Variants in SLCO1A2 observed in about 807,000 individuals in gnomAD.
SLCO1A2 encodes the protein solute carrier organic anion transporter family member 1A2.
Under a neutral mutation model 69.0 loss-of-function variants are expected in SLCO1A2, and 67 were observed. The observed-to-expected ratio is 0.97, with a 90% CI of 0.80 to 1.19. SLCO1A2 has a LOEUF of 1.19. Among genes scored for constraint, SLCO1A2 ranks in the 50% most tolerant of loss-of-function variants. SLCO1A2 has a pLI of 0.00. For synonymous variants in SLCO1A2, 260 were observed against 265.9 expected (o/e 0.98, Z 0.22); for missense variants, 787 against 793.7 (o/e 0.99, Z 0.10).
Position 21,285,895 on chromosome 12 carries a change from C to T in SLCO1A2, c.1610+6269G>A, listed in dbSNP as rs540236623. 6.3e-3 allele frequency among the ~76,000 whole-genome samples: 959 copies of T among 151,244 alleles called. 4 individuals are homozygous for T. The highest frequency in any genetic ancestry group is 0.022 in the African/African-American group (918 of 41,462). ...GAGCTGTCTATGACAGACCCACAGC[C>T]AATATCATACTGAATGGGCAAAAAC... On this transcript the variant is annotated intron_variant, in intron 12 of 14. Coordinates refer to ENST00000683939, the MANE Select transcript of SLCO1A2 (RefSeq NM_001386879.1).
intron 13 of SLCO1A2, chr12:21,274,932 A>G (rs533443952): frequency 1.9e-6 from 2 of 1,050,310 alleles, no homozygotes; most frequent in Non-Finnish European, 2.3e-6. Context: ...CTTCAAACAA[A>G]GAATAGTGTA....
intron 2 of SLCO1A2, among the ~76,000 whole-genome samples, chr12:21,368,661 A>G (rs1358705125): frequency 6.6e-6 from 1 of 152,154 alleles, no homozygotes; most frequent in African/African-American, 2.4e-5. Context: ...TTTAAATAAT[A>G]CAGTGGGAGG....
intron 1 of SLCO1A2, among the ~76,000 whole-genome samples, chr12:21,413,237 CTTTT>C (rs3983534): frequency 1.0e-5 from 1 of 99,470 alleles, no homozygotes; most frequent in East Asian, 3.2e-4. Context: ...TTTTCTTTTT[CTTTT>C]TTTTTTTTTT....
At chr12:21,366,400 G>A (rs2137069334) in intron 2 of SLCO1A2, among the ~76,000 whole-genome samples, 1 of 151,684 alleles carries the variant, frequency 6.6e-6, no homozygotes, top group East Asian at 2.0e-4. Flanking sequence ...GGCCTGCCGG[G>A]GGGTGGGCGG....
At chr12:21,378,433 A>T (rs755253916) in intron 1 of SLCO1A2, 2 of 1,601,128 alleles carry the variant, frequency 1.2e-6, no homozygotes, top group African/African-American at 2.7e-5. Context: ...TTAGAGGACA[A>T]TGTAACTCTA....
chr12:21,269,397 C>T lies in SLCO1A2; in HGVS notation c.*151G>A. The stretch of plus-strand genomic sequence containing the variant: ...AGTGTCACTGATACCTTAGAAATAT[C>T]ATTAGTGAACATTTTATTATTTTGA... On this transcript the variant is annotated 3_prime_UTR_variant, in exon 15 of 15. Coordinates refer to ENST00000683939, the MANE Select transcript of SLCO1A2 (RefSeq NM_001386879.1). 1.8e-6 allele frequency: 1 copy of T among 546,958 alleles called. No individual in the cohort carries two copies. Among genetic ancestry groups the T allele is most frequent in the Non-Finnish European group, 3.2e-6 (1 of 317,310 alleles). 33.9% of individuals were successfully genotyped at this position (546,958 alleles called of 1,614,324 possible). A position where few individuals can be genotyped will look rare whatever the true frequency, so the allele number is the denominator to read the frequency against.
At chr12:21,301,302 C>A (rs1263497605) in intron 6 of SLCO1A2, 33 bp from the exon 7 acceptor site, 2 of 1,408,172 alleles carry the variant, frequency 1.4e-6, no homozygotes, top group Non-Finnish European at 9.9e-7. Flanking sequence ...GGTTATAGTA[C>A]AGTTATATGC....
chr12:21,305,690 C>A (rs35736956), intron 5 of SLCO1A2, among the ~76,000 whole-genome samples: 20,045 of 152,282 alleles, frequency 0.13, 1,446 homozygotes, highest in African/African-American at 0.16. Context: ...GGCAATAGCC[C>A]GCTCAGGAAG....
Position 21,301,277 on chromosome 12 carries a change from TAAATA to T in SLCO1A2, c.590-13_590-9del. The T allele has an allele frequency of 6.3e-7, 1 of 1,584,696 alleles. No individual in the cohort carries two copies. The highest frequency in any genetic ancestry group is 8.6e-7 in the Non-Finnish European group (1 of 1,157,168). On this transcript the variant is annotated splice_polypyrimidine_tract_variant and intron_variant, in intron 6 of 14. Coordinates refer to ENST00000683939, the MANE Select transcript of SLCO1A2 (RefSeq NM_001386879.1). ...CTCCTGTTTCTACAAGCCCTAAAAA[TAAATA>T]AAAGTATAAGGTTATAGTACAGTTA...
intron 2 of SLCO1A2, among the ~76,000 whole-genome samples, chr12:21,319,920 A>T (rs1389533733): frequency 6.6e-6 from 1 of 152,208 alleles, no homozygotes; most frequent in Non-Finnish European, 1.5e-5. Context: ...GCTTTTAGTA[A>T]GAGGTTTTAA....
chr12:21,321,866 C>A (rs985445636), intron 2 of SLCO1A2, among the ~76,000 whole-genome samples: 6 of 152,110 alleles, frequency 3.9e-5, no homozygotes, highest in Admixed American at 1.3e-4. Context: ...AACTTGATTA[C>A]AACCTCTATT....
intron 12 of SLCO1A2, among the ~76,000 whole-genome samples, chr12:21,291,951 A>G (rs938111002): frequency 6.6e-6 from 1 of 152,170 alleles, no homozygotes; most frequent in African/African-American, 2.4e-5. Flanking sequence ...GAAGAAAAGT[A>G]GCGAGGAATA....
chr12:21,346,750 T>C (rs1340728725), intron 2 of SLCO1A2, among the ~76,000 whole-genome samples: 1 of 152,112 alleles, frequency 6.6e-6, no homozygotes, highest in East Asian at 1.9e-4. Context: ...TCTGCTCTAC[T>C]CCCCCATAAA....
intron 1 of SLCO1A2, among the ~76,000 whole-genome samples, chr12:21,382,372 A>G (rs1940639818): frequency 6.6e-6 from 1 of 152,224 alleles, no homozygotes; most frequent in African/African-American, 2.4e-5. Context: ...ACCATCAGTC[A>G]GATATAATGT....
At chr12:21,286,096 TTATC>T (rs1162600921) in intron 12 of SLCO1A2, among the ~76,000 whole-genome samples, 1 of 149,624 alleles carries the variant, frequency 6.7e-6, no homozygotes, top group African/African-American at 2.5e-5. Context: ...ACATGATTGT[TTATC>T]TAGAAAACCC....
upstream of SLCO1A2, among the ~76,000 whole-genome samples, chr12:21,338,834 A>C (rs187287318): frequency 2.2e-3 from 333 of 151,964 alleles, 6 homozygotes; most frequent in South Asian, 0.019. Flanking sequence ...TCAAAAAAAA[A>C]CCTGAAAATT....
intron 8 of SLCO1A2, among the ~76,000 whole-genome samples, chr12:21,300,065 T>G (rs140693652): frequency 0.011 from 1,655 of 149,730 alleles, 29 homozygotes; most frequent in African/African-American, 0.039. Flanking sequence ...CATATATATG[T>G]GTGTGTATAT....
At chr12:21,273,309 T>C (rs981407411) in intron 14 of SLCO1A2, among the ~76,000 whole-genome samples, 3 of 149,892 alleles carry the variant, frequency 2.0e-5, no homozygotes, top group Non-Finnish European at 4.5e-5. Flanking sequence ...AGAGACACTA[T>C]TTATATCTTC....
At position 21,315,705 on chromosome 12, in the gene SLCO1A2, T is replaced by G. The variant is rs556703519; in HGVS notation, c.203-1024A>C. ...ATGGAGAGCGCCCCACCGCAATAAC[T>G]ATATCAGCCACATTGACCTCTCTAG... On this transcript the variant is annotated intron_variant, in intron 3 of 14. Transcript: ENST00000683939. Among the ~76,000 whole-genome samples, 176 of 152,226 alleles carry G rather than the reference T, an allele frequency of 1.2e-3. 1 individual carries two copies. Among genetic ancestry groups the G allele is most frequent in the Non-Finnish European group, 1.6e-3 (111 of 68,036 alleles).
Sources: gnomAD v4.1 joint callset for allele counts (sites outside exome capture counted in the v4.1 genomes callset) on GRCh38, gnomAD v4.1.1 for gene constraint, MANE v1.5 for transcripts, NCBI Gene and HGNC (gene_info 2026-07-23, HGNC 2026-07-21) for gene names.